The following ST18 variants were observed in gnomAD, a reference collection of about 807,000 sequenced individuals.
ST18 encodes suppression of tumorigenicity 18 protein.
Under a neutral mutation model 110.0 loss-of-function variants are expected in ST18, and 50 were observed. The ratio of observed to expected loss-of-function variants is 0.45; its 90% CI spans 0.36 to 0.58. The LOEUF (loss-of-function observed/expected upper bound fraction) is 0.58. Among genes scored for constraint, ST18 ranks in the 20% least tolerant of loss-of-function variants. The probability of loss-of-function intolerance (pLI) is 0.00; values close to 1 mark genes in which losing one functional copy is unlikely to be tolerated. For synonymous variants in ST18, 461 were observed against 452.4 expected, an observed-to-expected ratio of 1.02 and a Z score of -0.24; for missense variants, 1,306 against 1,280.1, an observed-to-expected ratio of 1.02 and a Z score of -0.31.
chr8:52,371,591 T>C (rs1490678256), intron 2 of ST18, among the ~76,000 whole-genome samples: 1 of 152,228 alleles, frequency 6.6e-6, no homozygotes, highest in African/African-American at 2.4e-5. Flanking sequence ...TTTCTTGAGA[T>C]GCATACTGAA....
intron 2 of ST18, among the ~76,000 whole-genome samples, chr8:52,349,693 C>A (rs998129059): frequency 2.0e-5 from 3 of 152,304 alleles, no homozygotes; most frequent in Admixed American, 2.0e-4. Flanking sequence ...AAATGTGTAG[C>A]TCAACTCACA....
intron 2 of ST18, among the ~76,000 whole-genome samples, chr8:52,305,944 G>A (rs114990446): frequency 7.2e-4 from 109 of 152,244 alleles, no homozygotes; most frequent in African/African-American, 2.4e-3. Context: ...AAATCCTTCA[G>A]GGCCTCCCTG....
At chr8:52,125,618 A>G (rs2046724677) in intron 23 of ST18, among the ~76,000 whole-genome samples, 1 of 151,858 alleles carries the variant, frequency 6.6e-6, no homozygotes, top group African/African-American at 2.4e-5. Flanking sequence ...CAGCTTCCAG[A>G]GTAACTGGGA....
At chr8:52,214,582 G>A (rs2083436255) in intron 6 of ST18, among the ~76,000 whole-genome samples, 1 of 152,166 alleles carries the variant, frequency 6.6e-6, no homozygotes, top group Non-Finnish European at 1.5e-5. Flanking sequence ...TGAAGGAGAT[G>A]AAACCTCATA....
chr8:52,282,507 A>G (rs1011628151), intron 2 of ST18, among the ~76,000 whole-genome samples: 1 of 152,160 alleles, frequency 6.6e-6, no homozygotes, highest in African/African-American at 2.4e-5. Flanking sequence ...TGAGAAACGC[A>G]CTAAGGATAG....
At chr8:52,217,560 G>C (rs2084843026) in intron 6 of ST18, among the ~76,000 whole-genome samples, 186 bp downstream of exon 6, 1 of 152,102 alleles carries the variant, frequency 6.6e-6, no homozygotes, top group African/African-American at 2.4e-5. Flanking sequence ...AGGTGAAATG[G>C]CAAGAGGAAA....
chr8:52,402,920 C>G (rs1397885892), intron 2 of ST18, among the ~76,000 whole-genome samples: 1 of 152,116 alleles, frequency 6.6e-6, no homozygotes, highest in African/African-American at 2.4e-5. Flanking sequence ...TGTGGCTGCT[C>G]TGCTGGGCTG....
At chr8:52,364,798 T>G (rs543931432) in intron 2 of ST18, among the ~76,000 whole-genome samples, 1 of 152,230 alleles carries the variant, frequency 6.6e-6, no homozygotes, top group South Asian at 2.1e-4. Flanking sequence ...TGTCTTCAAG[T>G]GTAATTTACT....
At chr8:52,308,011 A>T (rs2095842193) in intron 2 of ST18, among the ~76,000 whole-genome samples, 1 of 152,120 alleles carries the variant, frequency 6.6e-6, no homozygotes, top group African/African-American at 2.4e-5. Context: ...TTTTAAAGAA[A>T]CCTGAAGAGC....
intron 15 of ST18, among the ~76,000 whole-genome samples, chr8:52,151,204 A>G (rs1388596782): frequency 1.3e-5 from 2 of 151,436 alleles, no homozygotes; most frequent in African/African-American, 4.9e-5. Flanking sequence ...CCCCACTCCC[A>G]ACCCCCAAAC....
intron 15 of ST18, among the ~76,000 whole-genome samples, 182 bp from the exon 16 acceptor site, chr8:52,150,159 C>A (rs1394075586): frequency 6.6e-6 from 1 of 152,118 alleles, no homozygotes; most frequent in Non-Finnish European, 1.5e-5. Context: ...AGAACAGCCC[C>A]ATTAGTGAGC....
chr8:52,388,052 GA>G (rs924895748), intron 2 of ST18, among the ~76,000 whole-genome samples: 2 of 151,458 alleles, frequency 1.3e-5, no homozygotes, highest in Non-Finnish European at 2.9e-5. Context: ...GGAGAGAGAT[GA>G]AATGATTCAA....
At chr8:52,120,471 A>C (rs1299235540) in intron 23 of ST18, among the ~76,000 whole-genome samples, 1 of 152,184 alleles carries the variant, frequency 6.6e-6, no homozygotes, top group Non-Finnish European at 1.5e-5. Context: ...CCTTCACTGG[A>C]GAAGATGCAC....
intron 2 of ST18, among the ~76,000 whole-genome samples, chr8:52,350,786 T>C (rs1819948847): frequency 6.6e-6 from 1 of 151,846 alleles, no homozygotes; most frequent in African/African-American, 2.4e-5. Context: ...AGTGGCCCAA[T>C]CTTGGCTCAC....
chr8:52,138,108 A>AAG (rs1233100736), intron 17 of ST18, among the ~76,000 whole-genome samples: 6 of 151,336 alleles, frequency 4.0e-5, no homozygotes, highest in African/African-American at 1.5e-4. Context: ...AAAAAAAAAA[A>AAG]AAAGAAAAGA....
At chr8:52,249,429 G>T (rs777519326) in intron 2 of ST18, 13 of 152,384 alleles carry the variant, frequency 8.5e-5, no homozygotes, top group Non-Finnish European at 1.5e-4. Context: ...TAAAGCAGGG[G>T]TGGGCTAGGT....
intron 19 of ST18, among the ~76,000 whole-genome samples, chr8:52,136,222 C>A (rs937906180): frequency 6.6e-6 from 1 of 151,990 alleles, no homozygotes; most frequent in African/African-American, 2.4e-5. Flanking sequence ...ATCAAAATAC[C>A]CAGCAGGTTA....
intron 2 of ST18, among the ~76,000 whole-genome samples, chr8:52,277,688 T>C (rs1057365772): frequency 5.9e-5 from 9 of 152,228 alleles, no homozygotes; most frequent in Non-Finnish European, 1.3e-4. Context: ...ACTTAGTAGA[T>C]GCTTAATCTC....
intron 2 of ST18, among the ~76,000 whole-genome samples, chr8:52,378,679 C>T (rs1483548578): frequency 6.6e-6 from 1 of 152,124 alleles, no homozygotes; most frequent in Non-Finnish European, 1.5e-5. Flanking sequence ...GAGTGTGAAA[C>T]TTCACCTCTG....
Sources: allele counts gnomAD v4.1 joint callset (sites outside exome capture counted in the v4.1 genomes callset), GRCh38; gene constraint gnomAD v4.1.1; transcripts MANE v1.5; gene names NCBI Gene and HGNC (gene_info 2026-07-23, HGNC 2026-07-21).